The following PPP1R9A variants were observed in gnomAD, a reference collection of about 807,000 sequenced individuals.
PPP1R9A encodes the protein neurabin-1.
In PPP1R9A, 59 loss-of-function variants were observed where a neutral mutation model predicts 141.9. That is an observed-to-expected ratio of 0.42 (90% CI 0.34 to 0.52). The LOEUF (loss-of-function observed/expected upper bound fraction) is 0.52, where lower values mean the gene tolerates loss of function less well. PPP1R9A is among the 20% of genes least tolerant of loss of function. The pLI is 0.10. For synonymous variants in PPP1R9A, 500 were observed against 569.7 expected (o/e 0.88, Z 1.74); for missense variants, 1,444 against 1,611.9 (o/e 0.90, Z 1.78).
intron 2 of PPP1R9A, among the ~76,000 whole-genome samples, chr7:95,079,840 G>C (rs1020709549): frequency 1.3e-5 from 2 of 151,990 alleles, no homozygotes; most frequent in Non-Finnish European, 1.5e-5. Flanking sequence ...GACAAAAACC[G>C]CATGATTATC....
At chr7:95,047,003 G>A (rs142637675) in intron 2 of PPP1R9A, among the ~76,000 whole-genome samples, 43 of 152,294 alleles carry the variant, frequency 2.8e-4, no homozygotes, top group African/African-American at 8.7e-4. Flanking sequence ...TCTTGGTTGT[G>A]GTGCTGGGCT....
chr7:95,184,350 T>C (rs1366583045), intron 5 of PPP1R9A, among the ~76,000 whole-genome samples: 1 of 152,196 alleles, frequency 6.6e-6, no homozygotes, highest in Non-Finnish European at 1.5e-5. Flanking sequence ...GAGATATATG[T>C]TTCAGGTATT....
chr7:95,085,214 A>G (rs1048067450), intron 2 of PPP1R9A, among the ~76,000 whole-genome samples: 5 of 151,702 alleles, frequency 3.3e-5, no homozygotes, highest in Admixed American at 1.3e-4. Flanking sequence ...TCTTAGCCCC[A>G]TTTTTTTGTT....
chr7:95,256,761 A>C (rs1031113924), intron 12 of PPP1R9A, among the ~76,000 whole-genome samples: 1 of 152,138 alleles, frequency 6.6e-6, no homozygotes, highest in African/African-American at 2.4e-5. Context: ...AGATGTTATA[A>C]GAATTAACAG....
intron 2 of PPP1R9A, among the ~76,000 whole-genome samples, chr7:94,930,642 A>G (rs956990071): frequency 6.6e-6 from 1 of 152,096 alleles, no homozygotes; most frequent in Non-Finnish European, 1.5e-5. Flanking sequence ...GCCCAGCCCT[A>G]TCTTTATACT....
intron 2 of PPP1R9A, among the ~76,000 whole-genome samples, chr7:95,052,396 G>A (rs557503530): frequency 1.3e-5 from 2 of 152,300 alleles, no homozygotes; most frequent in African/African-American, 2.4e-5. Context: ...GGATTGAAGA[G>A]TTAGTTAGAA....
intron 2 of PPP1R9A, among the ~76,000 whole-genome samples, chr7:94,975,232 T>C (rs1435380347): frequency 6.6e-6 from 1 of 152,146 alleles, no homozygotes; most frequent in Non-Finnish European, 1.5e-5. Flanking sequence ...GGAAGTTTAC[T>C]CTAGTTTATT....
At chr7:95,264,262 A>G (rs778801927) in intron 12 of PPP1R9A, among the ~76,000 whole-genome samples, 2 of 152,162 alleles carry the variant, frequency 1.3e-5, no homozygotes, top group Non-Finnish European at 2.9e-5. Context: ...CAGCACCTCC[A>G]TTGGTAATAG....
intron 5 of PPP1R9A, among the ~76,000 whole-genome samples, chr7:95,189,323 T>C (rs1201684263): frequency 6.6e-6 from 1 of 152,090 alleles, no homozygotes; most frequent in Non-Finnish European, 1.5e-5. Context: ...ATTTCCCAGG[T>C]GTTCTTTGAG....
intron 6 of PPP1R9A, chr7:95,202,521 TTG>T: frequency 1.6e-6 from 1 of 612,566 alleles, no homozygotes; most frequent in Non-Finnish European, 2.0e-6. Context: ...TATTGATCAC[TTG>T]TTTTTTTTTT....
At chr7:95,083,254 T>A (rs1246287828) in intron 2 of PPP1R9A, among the ~76,000 whole-genome samples, 2 of 151,952 alleles carry the variant, frequency 1.3e-5, no homozygotes, top group Admixed American at 6.5e-5. Flanking sequence ...GACAAAAGGG[T>A]ATGATCTAAT....
At chr7:94,995,074 T>A (rs1469045040) in intron 2 of PPP1R9A, among the ~76,000 whole-genome samples, 1 of 152,206 alleles carries the variant, frequency 6.6e-6, no homozygotes, top group African/African-American at 2.4e-5. Flanking sequence ...AAAAGTATTT[T>A]TCTTGCCTTT....
intron 2 of PPP1R9A, among the ~76,000 whole-genome samples, chr7:94,916,758 T>C (rs71562875): frequency 0.077 from 11,772 of 152,240 alleles, 538 homozygotes; most frequent in Admixed American, 0.15. Context: ...AATGGTCATA[T>C]GATTTAACTT....
chr7:95,124,062 CAT>C (rs1823111862), intron 4 of PPP1R9A, among the ~76,000 whole-genome samples: 1 of 152,052 alleles, frequency 6.6e-6, no homozygotes, highest in Non-Finnish European at 1.5e-5. Context: ...TGTATATGTG[CAT>C]ATGTGTGTGG....
At chr7:95,016,587 A>G (rs1020710706) in intron 2 of PPP1R9A, among the ~76,000 whole-genome samples, 2 of 152,166 alleles carry the variant, frequency 1.3e-5, no homozygotes, top group African/African-American at 2.4e-5. Context: ...TTAAAAAAAG[A>G]AATGAATCTC....
intron 2 of PPP1R9A, among the ~76,000 whole-genome samples, chr7:94,971,981 A>G (rs1584455000): frequency 6.6e-6 from 1 of 152,216 alleles, no homozygotes; most frequent in Non-Finnish European, 1.5e-5. Flanking sequence ...CTCCTTATGC[A>G]ATTTATTTAC....
chr7:95,152,728 G>C (rs1828912741), intron 4 of PPP1R9A, among the ~76,000 whole-genome samples: 1 of 151,048 alleles, frequency 6.6e-6, no homozygotes, highest in Non-Finnish European at 1.5e-5. Context: ...TATTACCATT[G>C]TTAATTAACT....
At chr7:95,286,088 A>T in intron 17 of PPP1R9A, 118 bp from the exon 18 acceptor site, 1 of 1,463,804 alleles carries the variant, frequency 6.8e-7, no homozygotes, top group Non-Finnish European at 9.1e-7. Flanking sequence ...TCATCACCAA[A>T]TCATACATGA....
chr7:95,070,460 A>G (rs1489648922), intron 2 of PPP1R9A, among the ~76,000 whole-genome samples: 1 of 151,974 alleles, frequency 6.6e-6, no homozygotes, highest in African/African-American at 2.4e-5. Context: ...TTAGGCAATT[A>G]CTGAAAACCA....
Sources: allele counts gnomAD v4.1 joint callset (sites outside exome capture counted in the v4.1 genomes callset), GRCh38; gene constraint gnomAD v4.1.1; transcripts MANE v1.5; gene names NCBI Gene and HGNC (gene_info 2026-07-23, HGNC 2026-07-21).